The following BPIFA3 variants were observed in gnomAD, a reference collection of about 807,000 sequenced individuals.
BPIFA3 encodes the protein BPI fold containing family A member 3, also known as BPI fold-containing family A member 3.
In BPIFA3, 32 loss-of-function variants were observed where a neutral mutation model predicts 29.7. That is an observed-to-expected ratio of 1.08 (90% CI 0.81 to 1.45). The LOEUF (loss-of-function observed/expected upper bound fraction) is 1.45. BPIFA3 is among the 40% of genes most tolerant of loss of function. The pLI, the probability that BPIFA3 is intolerant of heterozygous loss-of-function variation, is 0.00. For synonymous variants in BPIFA3, 112 were observed against 113.7 expected (o/e 0.98, Z 0.10); for missense variants, 323 against 311.3 (o/e 1.04, Z -0.28).
In BPIFA3 at chr20:33,217,578, G is replaced by A; in HGVS notation, c.42G>A (p.Leu14=). The stretch of plus-strand genomic sequence containing the variant: ...GGAGGCTCCTCATCTTCCTCGGGTT[G>A]CTGGCCTTGCCCTTGGCACCACACA... ...PLWRLLIFLG[L]LALPLAPHKQ... Residue 14 remains leucine (L), a synonymous_variant, in exon 1 of 7, where the codon TTG becomes TTA. Coordinates refer to ENST00000375454, the MANE Select transcript of BPIFA3 (RefSeq NM_178466.5). 1 of 1,614,170 alleles carries A rather than the reference G, an allele frequency of 6.2e-7. No individual in the cohort carries two copies. The highest frequency in any genetic ancestry group is 8.5e-7 in the Non-Finnish European group (1 of 1,180,022).
intron 1 of BPIFA3, among the ~76,000 whole-genome samples, chr20:33,221,395 G>A (rs767382650): frequency 2.2e-4 from 34 of 152,174 alleles, no homozygotes; most frequent in Non-Finnish European, 3.7e-4. Context: ...GACCTCAGGT[G>A]ATCCGCCCGC....
chr20:33,224,567 C>G, intron 3 of BPIFA3, 105 bp downstream of exon 3: 2 of 974,664 alleles, frequency 2.1e-6, no homozygotes, highest in Non-Finnish European at 3.2e-6. Flanking sequence ...TCCTGGCTTC[C>G]AAAGCCACTT....
Position 33,227,686 on chromosome 20 carries a change from A to G in BPIFA3, c.*69A>G. On this transcript the variant is annotated 3_prime_UTR_variant, in exon 7 of 7. Transcript: ENST00000375454. ...TCTCCCTTAGAGTGGGGCTTCTGCT[A>G]CCCTAAAAACTTTACCCCAGGCTCT... 3 of 1,374,838 alleles carry G rather than the reference A, an allele frequency of 2.2e-6. No individual in the cohort carries two copies. Among genetic ancestry groups the G allele is most frequent in the South Asian group, 2.4e-5 (2 of 85,070 alleles). The allele number at this position is 1,374,838 out of a possible 1,614,324, so 85.2% of individuals were successfully genotyped here. A position where few individuals can be genotyped will look rare whatever the true frequency, so the allele number is the denominator to read the frequency against.
Position 33,224,355 on chromosome 20 carries a change from C to G in BPIFA3, c.279C>G (p.Ser93Arg). 6.2e-7 allele frequency: 1 copy of G among 1,613,408 alleles called. No individual in the cohort carries two copies. Among genetic ancestry groups the G allele is most frequent in the Non-Finnish European group, 8.5e-7 (1 of 1,179,380 alleles). The part of the protein sequence containing the change: ...GRKHQQQQES[S>R]INITNIQLDC... Reference sequence around the variant, plus strand: ...GGGCCTCTGCTCTTTCCTTGTGCAGCATCAACATCACCAACATTCAGCTGG... The same window carrying G: ...GGGCCTCTGCTCTTTCCTTGTGCAGGATCAACATCACCAACATTCAGCTGG... Residue 93 changes from serine (S) to arginine (R), a missense_variant and splice_region_variant, in exon 3 of 7, where the codon AGC becomes AGG. By Grantham distance (110) the Ser-to-Arg change is moderately radical (BLOSUM62 -1). Coordinates refer to ENST00000375454, the MANE Select transcript of BPIFA3 (RefSeq NM_178466.5).
chr20:33,224,485 C>CTGAGAGGT, intron 3 of BPIFA3, 23 bp downstream of exon 3: 1 of 1,555,566 alleles, frequency 6.4e-7, no homozygotes, highest in Non-Finnish European at 8.9e-7. Flanking sequence ...GAAGCAGAAT[C>CTGAGAGGT]TGAGAGGTGC....
chr20:33,226,850 T>C (rs1212513616), intron 5 of BPIFA3, 80 bp from the exon 6 acceptor site: 3 of 1,562,194 alleles, frequency 1.9e-6, no homozygotes, highest in Non-Finnish European at 2.6e-6. Flanking sequence ...TCCCATGGAG[T>C]TGAAGTTTCC....
chr20:33,224,537 G>A (rs761506581), intron 3 of BPIFA3, 75 bp downstream of exon 3: 3 of 1,268,486 alleles, frequency 2.4e-6, no homozygotes, highest in Non-Finnish European at 3.4e-6. Context: ...AGATCTTTCT[G>A]ATCCCAACCT....
rs552363742 is a variant in BPIFA3 at position 33,223,787 on chromosome 20, T to A, written c.128-24T>A. On this transcript the variant is annotated intron_variant, in intron 1 of 6. Transcript: ENST00000375454. ...ACCTTTTCCGTGACACTGTGCAAAG[T>A]CAGTGGTCCTTGTGCATTTCCAGTT... 3.7e-6 allele frequency: 6 copies of A among 1,604,084 alleles called. No individual in the cohort carries two copies. In the Admixed American group the frequency reaches 1.0e-4, roughly 27 times the overall value.
rs533294820 is a variant in BPIFA3, at chr20:33,226,388, C to T, written c.537-18C>T. The T allele has an allele frequency of 1.4e-5, 22 of 1,576,366 alleles. No homozygotes were observed. In the South Asian group the frequency reaches 2.3e-4, roughly 17 times the overall value. ...TGGATTGCTCTGTTCTGTTCTGTGC[C>T]TCTACCTTTCTTTCTAGGGCTATCC... On this transcript the variant is annotated intron_variant, in intron 4 of 6. Coordinates refer to ENST00000375454, the MANE Select transcript of BPIFA3 (RefSeq NM_178466.5).
At chr20:33,222,650 G>A (rs769030493) in intron 1 of BPIFA3, among the ~76,000 whole-genome samples, 1 of 124,462 alleles carries the variant, frequency 8.0e-6, no homozygotes, top group African/African-American at 6.0e-5. Flanking sequence ...ATGGATGGAT[G>A]GATGGATGGA....
intron 1 of BPIFA3, among the ~76,000 whole-genome samples, chr20:33,218,033 C>T (rs924879409): frequency 3.9e-5 from 6 of 152,178 alleles, no homozygotes; most frequent in Admixed American, 2.6e-4. Flanking sequence ...TTGTATTGTA[C>T]TTTAATTTAC....
At chr20:33,224,088 GA>G in intron 2 of BPIFA3, 127 bp downstream of exon 2, 1 of 1,273,302 alleles carries the variant, frequency 7.9e-7, no homozygotes. Flanking sequence ...ATTGAAAGAA[GA>G]GAAGGTGGAA....
At position 33,217,597 on chromosome 20, in the gene BPIFA3, C is replaced by G. The variant is rs1985320258; in HGVS notation, c.61C>G (p.Pro21Ala). Reference protein sequence around the residue: ...FLGLLALPLAPHKQPWPGLAQ... With the variant: ...FLGLLALPLAAHKQPWPGLAQ... ...CGGGTTGCTGGCCTTGCCCTTGGCA[C>G]CACACAAGCAGCCTTGGCCTGGCCT... The change falls in exon 1 of 7, where the codon CCA (proline) becomes GCA (alanine). Residue 21 changes from proline (P) to alanine (A), a missense_variant. By Grantham distance (27) the Pro-to-Ala change is conservative (BLOSUM62 -1). Transcript: ENST00000375454. The G allele has an allele frequency of 5.6e-6, 9 of 1,614,202 alleles. No homozygotes were observed. The highest frequency in any genetic ancestry group is 2.5e-6 in the Non-Finnish European group (3 of 1,180,028).
In BPIFA3 at chr20:33,225,197, A is replaced by G. The variant is rs1985723634; in HGVS notation, c.486A>G (p.Ile162Met). ...KDEFGRRDLV[I>M]GKCDAEPSSV... ...AGTTTGGCCGGAGGGATCTGGTGATAGGCAAATGCGATGCAGAGCCCAGCA... is the reference window on the plus strand; with the variant it reads ...AGTTTGGCCGGAGGGATCTGGTGATGGGCAAATGCGATGCAGAGCCCAGCA... Residue 162 changes from isoleucine to methionine, a missense_variant, in exon 4 of 7, where the codon ATA becomes ATG. Transcript: ENST00000375454. The G allele has an allele frequency of 1.2e-6, 2 of 1,614,146 alleles. No homozygotes were observed. Among genetic ancestry groups the G allele is most frequent in the Admixed American group, 1.7e-5 (1 of 60,022 alleles).
intron 4 of BPIFA3, 94 bp downstream of exon 4, chr20:33,225,341 A>G (rs944376867): frequency 1.3e-6 from 2 of 1,550,616 alleles, no homozygotes; most frequent in Admixed American, 1.8e-5. Context: ...AAATTAGTCC[A>G]AAGCAGATCT....
chr20:33,227,423 C>T (rs975233645), intron 6 of BPIFA3, 115 bp from the exon 7 acceptor site: 14 of 838,944 alleles, frequency 1.7e-5, no homozygotes, highest in East Asian at 4.9e-5. Context: ...AGGGTTTTCA[C>T]GTGAACGCTC....
chr20:33,226,370 C>A, intron 4 of BPIFA3, 36 bp from the exon 5 acceptor site: 2 of 1,473,340 alleles, frequency 1.4e-6, no homozygotes, highest in Non-Finnish European at 9.5e-7. Context: ...GCCTGGATTG[C>A]TCTGTTCTGT....
chr20:33,221,022 C>T (rs759732366), intron 1 of BPIFA3, among the ~76,000 whole-genome samples: 4 of 152,090 alleles, frequency 2.6e-5, no homozygotes, highest in Admixed American at 6.6e-5. Flanking sequence ...ACAAATGTTT[C>T]TCTGCATCTA....
chr20:33,226,341 A>G (rs913860995), intron 4 of BPIFA3, 65 bp from the exon 5 acceptor site: 2 of 1,176,194 alleles, frequency 1.7e-6, no homozygotes, highest in Non-Finnish European at 1.3e-6. Flanking sequence ...CTCAACACAT[A>G]CCTCCTGGCT....
Sources: gnomAD v4.1 joint callset for allele counts (sites outside exome capture counted in the v4.1 genomes callset) on GRCh38, gnomAD v4.1.1 for gene constraint, MANE v1.5 for transcripts, NCBI Gene and HGNC (gene_info 2026-07-23, HGNC 2026-07-21) for gene names.